The following NRG1 variants were observed in gnomAD, a reference collection of about 807,000 sequenced individuals.
NRG1 encodes the protein pro-neuregulin-1, membrane-bound isoform.
In NRG1, 18 loss-of-function variants were observed where a neutral mutation model predicts 63.8. The observed-to-expected ratio is 0.28, with a 90% CI of 0.19 to 0.42. The LOEUF (loss-of-function observed/expected upper bound fraction) is 0.42, where lower values mean the gene tolerates loss of function less well. NRG1 is among the 10% of genes least tolerant of loss of function. The pLI is 1.00. For missense variants in NRG1, 762 were observed against 814.7 expected, an observed-to-expected ratio of 0.94 and a Z score of 0.79; for synonymous variants, 302 against 301.3, an observed-to-expected ratio of 1.00 and a Z score of -0.02.
intron 1 of NRG1, among the ~76,000 whole-genome samples, chr8:32,362,476 G>A (rs892817813): frequency 6.6e-6 from 1 of 152,184 alleles, no homozygotes; most frequent in Non-Finnish European, 1.5e-5. Context: ...GGCATAAAAT[G>A]CCATTATGGA....
intron 5 of NRG1, among the ~76,000 whole-genome samples, chr8:32,684,270 G>A (rs955160323): frequency 1.3e-4 from 20 of 152,158 alleles, no homozygotes; most frequent in Non-Finnish European, 1.2e-4. Context: ...CTTATACTCA[G>A]ATCTCTTTAA....
At chr8:32,438,289 T>G (rs1027559074) in intron 1 of NRG1, among the ~76,000 whole-genome samples, 1 of 152,192 alleles carries the variant, frequency 6.6e-6, no homozygotes, top group African/African-American at 2.4e-5. Context: ...GGTATTGGTT[T>G]TTTCCAATCA....
intron 5 of NRG1, among the ~76,000 whole-genome samples, chr8:32,676,340 T>G (rs1807113499): frequency 6.6e-6 from 1 of 152,162 alleles, no homozygotes; most frequent in Non-Finnish European, 1.5e-5. Context: ...TTTGCACACT[T>G]GGAAAGGTGG....
At chr8:31,817,834 C>A (rs1823604059) in intron 1 of NRG1, among the ~76,000 whole-genome samples, 1 of 152,160 alleles carries the variant, frequency 6.6e-6, no homozygotes, top group African/African-American at 2.4e-5. Context: ...TCTAAAATTT[C>A]TTTTGTAAGA....
At chr8:32,537,297 T>G (rs1832104589) in intron 1 of NRG1, among the ~76,000 whole-genome samples, 1 of 151,724 alleles carries the variant, frequency 6.6e-6, no homozygotes, top group South Asian at 2.1e-4. Flanking sequence ...TACCTTCTGC[T>G]GCCCCCCAAC....
At chr8:32,188,819 G>T (rs183128077) in intron 1 of NRG1, among the ~76,000 whole-genome samples, 20 of 152,084 alleles carry the variant, frequency 1.3e-4, no homozygotes, top group Admixed American at 9.2e-4. Flanking sequence ...TGTGGGGTGG[G>T]GGGAGGAGGA....
At chr8:32,534,153 T>A (rs1831733161) in intron 1 of NRG1, among the ~76,000 whole-genome samples, 1 of 152,082 alleles carries the variant, frequency 6.6e-6, no homozygotes, top group South Asian at 2.1e-4. Flanking sequence ...CAGAATATGG[T>A]AATGAGGAAA....
At chr8:32,670,771 C>G (rs1805437583) in intron 5 of NRG1, among the ~76,000 whole-genome samples, 1 of 152,100 alleles carries the variant, frequency 6.6e-6, no homozygotes, top group South Asian at 2.1e-4. Flanking sequence ...AACCAAGGGA[C>G]AGTGGAGGCC....
chr8:31,671,133 G>T (rs1807097178), intron 1 of NRG1, among the ~76,000 whole-genome samples: 1 of 126,736 alleles, frequency 7.9e-6, no homozygotes, highest in South Asian at 2.3e-4. Context: ...CAAAGGCCAT[G>T]ATCTCATTTT....
At chr8:31,761,966 A>G (rs571069096) in intron 1 of NRG1, among the ~76,000 whole-genome samples, 15 of 152,268 alleles carry the variant, frequency 9.9e-5, no homozygotes, top group African/African-American at 3.4e-4. Context: ...GGGACTTTCT[A>G]TGTGCACCAT....
At chr8:32,257,301 T>C (rs1348432716) in intron 1 of NRG1, among the ~76,000 whole-genome samples, 1 of 152,130 alleles carries the variant, frequency 6.6e-6, no homozygotes, top group Non-Finnish European at 1.5e-5. Context: ...AACAGTTCTG[T>C]CTCACTGGCA....
At chr8:32,576,759 C>T (rs1438255259) in intron 1 of NRG1, among the ~76,000 whole-genome samples, 1 of 151,476 alleles carries the variant, frequency 6.6e-6, no homozygotes, top group African/African-American at 2.4e-5. Context: ...ATATTTTTCT[C>T]TTTTTAAAAA....
intron 1 of NRG1, among the ~76,000 whole-genome samples, chr8:32,099,024 C>T (rs1830229073): frequency 6.6e-6 from 1 of 152,076 alleles, no homozygotes; most frequent in South Asian, 2.1e-4. Context: ...GAGAATTTAC[C>T]CAGACAGTTG....
chr8:31,895,024 C>A lies in NRG1; in HGVS notation c.37+255593C>A, dbSNP rs529497947. Among the ~76,000 whole-genome samples the A allele has an allele frequency of 2.2e-4, 34 of 152,256 alleles. No individual in the cohort carries two copies. In the South Asian group the frequency reaches 3.9e-3, roughly 18 times the overall value. Reference sequence around the variant, plus strand: ...ATGTGGTTAATAAAACCAAAATATTCTTTAAACCATGTCTTAGCTTCATTC... The same window carrying A: ...ATGTGGTTAATAAAACCAAAATATTATTTAAACCATGTCTTAGCTTCATTC... On this transcript the variant is annotated intron_variant, in intron 1 of 10. Transcript: ENST00000519301.
At chr8:32,057,240 A>C (rs1199806961) in intron 1 of NRG1, among the ~76,000 whole-genome samples, 2 of 152,174 alleles carry the variant, frequency 1.3e-5, no homozygotes, top group African/African-American at 2.4e-5. Context: ...ATATTTAAAT[A>C]CTAAGATAAT....
At chr8:32,120,000 A>G (rs1833228589) in intron 1 of NRG1, among the ~76,000 whole-genome samples, 1 of 152,078 alleles carries the variant, frequency 6.6e-6, no homozygotes, top group South Asian at 2.1e-4. Context: ...TAGTGATAAG[A>G]CCTTGGGCAA....
chr8:31,981,426 A>G (rs1416978212), intron 1 of NRG1, among the ~76,000 whole-genome samples: 2 of 151,950 alleles, frequency 1.3e-5, no homozygotes, highest in Non-Finnish European at 2.9e-5. Flanking sequence ...CCTGGAATAA[A>G]CTCTTTTTAA....
chr8:32,177,550 C>T (rs918171269), intron 1 of NRG1, among the ~76,000 whole-genome samples: 1 of 151,922 alleles, frequency 6.6e-6, no homozygotes, highest in Non-Finnish European at 1.5e-5. Flanking sequence ...CTTTTCCCCC[C>T]ATCCCTTGAC....
intron 1 of NRG1, among the ~76,000 whole-genome samples, chr8:32,175,586 T>C (rs1029015934): frequency 6.6e-6 from 1 of 152,164 alleles, no homozygotes; most frequent in Non-Finnish European, 1.5e-5. Context: ...GAAAACCCCA[T>C]TGTCTCAGCC....
Sources: gnomAD v4.1 joint callset for allele counts (sites outside exome capture counted in the v4.1 genomes callset) on GRCh38, gnomAD v4.1.1 for gene constraint, MANE v1.5 for transcripts, NCBI Gene and HGNC (gene_info 2026-07-23, HGNC 2026-07-21) for gene names.